Variants in SMIM14 observed in about 807,000 individuals in gnomAD.
SMIM14 encodes the protein chromosome 4 open reading frame 34.
SMIM14 carries 5 observed loss-of-function variants against 12.6 expected under a neutral mutation model. That is an observed-to-expected ratio of 0.40 (90% CI 0.21 to 0.83). SMIM14 has a LOEUF of 0.83. Ranked by LOEUF, SMIM14 falls within the 40% of genes least tolerant of loss-of-function variation. The probability of loss-of-function intolerance (pLI) is 0.37; values close to 1 mark genes in which losing one functional copy is unlikely to be tolerated. For missense variants in SMIM14, 86 were observed against 119.1 expected (o/e 0.72, Z 1.29); for synonymous variants, 30 against 40.1 (o/e 0.75, Z 0.95).
intron 2 of SMIM14, among the ~76,000 whole-genome samples, chr4:39,589,329 CG>C (rs1197796817): frequency 6.6e-6 from 1 of 152,174 alleles, no homozygotes; most frequent in Non-Finnish European, 1.5e-5. Context: ...TCAAATGATT[CG>C]CCCGCCTTAG....
At chr4:39,621,075 A>G (rs1039763798) in intron 1 of SMIM14, 3 of 152,198 alleles carry the variant, frequency 2.0e-5, no homozygotes, top group Admixed American at 1.3e-4. Flanking sequence ...AAAGCTCCCC[A>G]GAAAAAATTC....
At chr4:39,588,257 G>A (rs946317385) in intron 2 of SMIM14, among the ~76,000 whole-genome samples, 4 of 151,998 alleles carry the variant, frequency 2.6e-5, no homozygotes, top group Non-Finnish European at 4.4e-5. Context: ...ACAAGAAACT[G>A]TCGGCTGAGG....
chr4:39,621,577 G>A (rs1368692485), intron 1 of SMIM14, among the ~76,000 whole-genome samples: 1 of 151,786 alleles, frequency 6.6e-6, no homozygotes, highest in Non-Finnish European at 1.5e-5. Flanking sequence ...TACAAAGATG[G>A]TTATCATGGC....
chr4:39,627,736 G>A (rs1209973512), intron 1 of SMIM14, among the ~76,000 whole-genome samples: 2 of 152,146 alleles, frequency 1.3e-5, no homozygotes. Flanking sequence ...GAAGTCTTCT[G>A]TTCTTAATCT....
chr4:39,578,713 G>A (rs1178830321), intron 2 of SMIM14, among the ~76,000 whole-genome samples: 1 of 151,840 alleles, frequency 6.6e-6, no homozygotes, highest in Non-Finnish European at 1.5e-5. Flanking sequence ...AGCAGAGAAT[G>A]GGCTGGGCAC....
At chr4:39,556,705 A>G (rs886385159) in intron 3 of SMIM14, 135 bp from the exon 4 acceptor site, 1 of 820,226 alleles carries the variant, frequency 1.2e-6, no homozygotes, top group Non-Finnish European at 1.8e-6. Flanking sequence ...TACATATTAT[A>G]TCTTCAATTT....
At chr4:39,581,764 TG>T (rs1713511377) in intron 2 of SMIM14, among the ~76,000 whole-genome samples, 1 of 152,106 alleles carries the variant, frequency 6.6e-6, no homozygotes, top group Non-Finnish European at 1.5e-5. Flanking sequence ...AGTTTCACCA[TG>T]TGGCCCAGGT....
chr4:39,619,751 T>TATATATATCAATAAATA (rs1715390847), intron 1 of SMIM14, among the ~76,000 whole-genome samples: 1 of 40,578 alleles, frequency 2.5e-5, no homozygotes, highest in Non-Finnish European at 6.1e-5. Context: ...TAAATATAAT[T>TATATATATCAATAAATA]TATTATATAT....
intron 1 of SMIM14, chr4:39,620,886 A>T (rs1439713703): frequency 6.6e-6 from 1 of 152,220 alleles, no homozygotes; most frequent in Non-Finnish European, 1.5e-5. Context: ...AGCAAATCAG[A>T]TTATAGAATT....
At chr4:39,578,992 C>CAAA (rs201636070) in intron 2 of SMIM14, among the ~76,000 whole-genome samples, 3 of 71,860 alleles carry the variant, frequency 4.2e-5, no homozygotes, top group African/African-American at 6.1e-5. Context: ...GTGAGACTGT[C>CAAA]AAAAAAAAAA....
chr4:39,605,710 G>GA (rs1714777325), intron 1 of SMIM14, among the ~76,000 whole-genome samples: 1 of 152,148 alleles, frequency 6.6e-6, no homozygotes, highest in South Asian at 2.1e-4. Flanking sequence ...TTAAAAATTA[G>GA]ACAAAATACA....
chr4:39,581,365 T>C (rs1487762094), intron 2 of SMIM14, among the ~76,000 whole-genome samples: 1 of 152,170 alleles, frequency 6.6e-6, no homozygotes, highest in Non-Finnish European at 1.5e-5. Flanking sequence ...AACCAGAACC[T>C]GAAATCATAC....
intron 2 of SMIM14, among the ~76,000 whole-genome samples, chr4:39,577,517 T>G (rs560417871): frequency 6.7e-6 from 1 of 149,666 alleles, no homozygotes; most frequent in East Asian, 2.0e-4. Flanking sequence ...AACCTCCACC[T>G]CCTGGATTCA....
chr4:39,593,584 T>C lies in SMIM14; in HGVS notation c.75+11487A>G, dbSNP rs1201325867. 7.2e-5 allele frequency: 11 copies of C among 152,120 alleles called. 1 individual carries two copies. In the East Asian group the frequency reaches 7.7e-4, roughly 11 times the overall value. The allele number at this position is 152,120 out of a possible 1,614,324, so 9.4% of individuals were successfully genotyped here. A position where few individuals can be genotyped will look rare whatever the true frequency, so the allele number is the denominator to read the frequency against. On this transcript the variant is annotated intron_variant, in intron 2 of 4. Coordinates refer to ENST00000295958, the MANE Select transcript of SMIM14 (RefSeq NM_174921.3). ...TTAGGCAGGAGAAGGAAATAAAGGGTATTCAATTAGGAAGAGGAAGTCAAA... is the reference window on the plus strand; with the variant it reads ...TTAGGCAGGAGAAGGAAATAAAGGGCATTCAATTAGGAAGAGGAAGTCAAA...
chr4:39,553,067 T>C (rs1213352865), intron 4 of SMIM14, among the ~76,000 whole-genome samples: 1 of 151,788 alleles, frequency 6.6e-6, no homozygotes, highest in African/African-American at 2.4e-5. Flanking sequence ...TAGTTTTTTT[T>C]TTTTTTTCCT....
chr4:39,627,610 G>GAAGACCA (rs1196293880), intron 1 of SMIM14, among the ~76,000 whole-genome samples: 2 of 152,212 alleles, frequency 1.3e-5, no homozygotes, highest in Non-Finnish European at 2.9e-5. Context: ...GGGGTCAGTT[G>GAAGACCA]AAGACCAAAG....
At chr4:39,625,711 G>A (rs1331604803) in intron 1 of SMIM14, among the ~76,000 whole-genome samples, 3 of 152,206 alleles carry the variant, frequency 2.0e-5, no homozygotes, top group Non-Finnish European at 4.4e-5. Flanking sequence ...GATGACAGGC[G>A]TGAGCCACTG....
intron 2 of SMIM14, chr4:39,594,384 C>T (rs1714263049): frequency 6.6e-6 from 1 of 152,130 alleles, no homozygotes; most frequent in African/African-American, 2.4e-5. Context: ...TTTCCTTACA[C>T]CTTACACAAA....
chr4:39,553,035 T>A (rs1018053203), intron 4 of SMIM14, among the ~76,000 whole-genome samples: 2 of 152,006 alleles, frequency 1.3e-5, no homozygotes, highest in South Asian at 2.1e-4. Context: ...GAGAGGGTAA[T>A]CTTGCATTTC....
Sources: allele counts gnomAD v4.1 joint callset (sites outside exome capture counted in the v4.1 genomes callset), GRCh38; gene constraint gnomAD v4.1.1; transcripts MANE v1.5; gene names NCBI Gene and HGNC (gene_info 2026-07-23, HGNC 2026-07-21).